FRMD5: variants seen among roughly 807,000 people sequenced by gnomAD.
FRMD5 encodes FERM domain-containing protein 5.
A neutral mutation model predicts 69.0 loss-of-function variants in FRMD5; 20 were observed. The ratio of observed to expected loss-of-function variants is 0.29; its 90% CI spans 0.20 to 0.42. The LOEUF (loss-of-function observed/expected upper bound fraction) is 0.42. FRMD5 is among the 10% of genes least tolerant of loss of function. FRMD5 has a pLI of 1.00. For missense variants in FRMD5, 595 were observed against 708.6 expected, an observed-to-expected ratio of 0.84 and a Z score of 1.82; for synonymous variants, 271 against 260.1, an observed-to-expected ratio of 1.04 and a Z score of -0.40.
At chr15:43,880,875 G>C (rs970354914) in intron 13 of FRMD5, among the ~76,000 whole-genome samples, 3 of 152,214 alleles carry the variant, frequency 2.0e-5, no homozygotes, top group African/African-American at 7.2e-5. Flanking sequence ...GAATAGTTTG[G>C]ACAAGGAACC....
chr15:44,055,477 T>C (rs1356049381), intron 1 of FRMD5, among the ~76,000 whole-genome samples: 1 of 152,214 alleles, frequency 6.6e-6, no homozygotes, highest in African/African-American at 2.4e-5. Context: ...CATTTGCTTG[T>C]TGAAGCCCTG....
chr15:43,944,875 T>G (rs2089918567), intron 1 of FRMD5, among the ~76,000 whole-genome samples: 1 of 152,220 alleles, frequency 6.6e-6, no homozygotes, highest in Non-Finnish European at 1.5e-5. Flanking sequence ...CCTCCTCATT[T>G]TCCAGCTGCT....
chr15:43,988,632 A>G (rs1252765966), intron 1 of FRMD5, among the ~76,000 whole-genome samples: 1 of 152,190 alleles, frequency 6.6e-6, no homozygotes, highest in Non-Finnish European at 1.5e-5. Context: ...ATCATTCAAA[A>G]TAAAACAAAA....
chr15:44,040,941 C>G (rs1400213428), intron 1 of FRMD5, among the ~76,000 whole-genome samples: 2 of 124,982 alleles, frequency 1.6e-5, no homozygotes, highest in Non-Finnish European at 3.2e-5. Flanking sequence ...CAAAGACACA[C>G]GTAGGCTCAA....
intron 1 of FRMD5, among the ~76,000 whole-genome samples, chr15:43,997,430 G>A (rs1353740103): frequency 2.0e-5 from 3 of 152,276 alleles, no homozygotes; most frequent in African/African-American, 7.2e-5. Context: ...CTGCAGTAAG[G>A]TTGCAAAGGA....
At chr15:43,993,679 A>T (rs900117502) in intron 1 of FRMD5, among the ~76,000 whole-genome samples, 2 of 152,168 alleles carry the variant, frequency 1.3e-5, no homozygotes, top group African/African-American at 4.8e-5. Context: ...AAAGTTGGGT[A>T]TCAAAGTCCC....
At chr15:44,025,813 C>T (rs941154062) in intron 1 of FRMD5, among the ~76,000 whole-genome samples, 2 of 152,168 alleles carry the variant, frequency 1.3e-5, no homozygotes, top group Non-Finnish European at 2.9e-5. Context: ...GGTGGCTGCT[C>T]ACTTACCGCC....
At chr15:44,161,166 T>G (rs898909042) in intron 1 of FRMD5, among the ~76,000 whole-genome samples, 1 of 152,194 alleles carries the variant, frequency 6.6e-6, no homozygotes, top group African/African-American at 2.4e-5. Flanking sequence ...TGCCTCCATC[T>G]GTGCTCATGT....
At chr15:43,961,175 A>G (rs907892560) in intron 1 of FRMD5, among the ~76,000 whole-genome samples, 2 of 152,194 alleles carry the variant, frequency 1.3e-5, no homozygotes, top group African/African-American at 4.8e-5. Flanking sequence ...ATAAAGAAGA[A>G]AAGAGAGAAG....
At chr15:43,961,024 C>G (rs1294357421) in intron 1 of FRMD5, among the ~76,000 whole-genome samples, 1 of 152,020 alleles carries the variant, frequency 6.6e-6, no homozygotes, top group Non-Finnish European at 1.5e-5. Flanking sequence ...TATTCAAAAG[C>G]TAGCAGAAGG....
intron 4 of FRMD5, among the ~76,000 whole-genome samples, chr15:43,916,917 T>A (rs1193860660): frequency 6.6e-6 from 1 of 151,838 alleles, no homozygotes; most frequent in African/African-American, 2.4e-5. Flanking sequence ...AAGCAGGGAT[T>A]AAAGGTGTGC....
intron 7 of FRMD5, among the ~76,000 whole-genome samples, chr15:43,897,487 CAAAAAAA>C (rs34243475): frequency 6.8e-4 from 11 of 16,144 alleles, no homozygotes; most frequent in Admixed American, 6.8e-3. Context: ...CACTCCATCT[CAAAAAAA>C]AAAAAAAAAA....
chr15:44,163,034 C>G (rs1249581284), intron 1 of FRMD5, among the ~76,000 whole-genome samples: 1 of 151,884 alleles, frequency 6.6e-6, no homozygotes, highest in Non-Finnish European at 1.5e-5. Flanking sequence ...AATTAGCAGG[C>G]GTGGTGGCGG....
chr15:44,192,027 A>G (rs2078205806), intron 1 of FRMD5, among the ~76,000 whole-genome samples: 1 of 150,898 alleles, frequency 6.6e-6, no homozygotes, highest in Non-Finnish European at 1.5e-5. Flanking sequence ...CAAAACTGGC[A>G]GGGAGCTGTT....
At chr15:43,892,116 G>A (rs745455156) in intron 7 of FRMD5, 47 bp from the exon 8 acceptor site, 8 of 1,534,722 alleles carry the variant, frequency 5.2e-6, no homozygotes, top group East Asian at 2.3e-5. Flanking sequence ...GCACAGAGGT[G>A]AAAGGGTAAG....
intron 1 of FRMD5, among the ~76,000 whole-genome samples, chr15:43,966,112 G>A (rs992134640): frequency 2.0e-5 from 3 of 151,874 alleles, no homozygotes; most frequent in South Asian, 2.1e-4. Flanking sequence ...GGTGACTTAC[G>A]CCTGTCACCC....
chr15:43,963,527 T>C (rs1203059430), intron 1 of FRMD5, among the ~76,000 whole-genome samples: 2 of 152,132 alleles, frequency 1.3e-5, no homozygotes, highest in African/African-American at 2.4e-5. Context: ...GAACTAGAAA[T>C]ACCATTTGAC....
chr15:43,981,338 C>T (rs2090545866), intron 1 of FRMD5, among the ~76,000 whole-genome samples: 1 of 152,054 alleles, frequency 6.6e-6, no homozygotes, highest in African/African-American at 2.4e-5. Flanking sequence ...AAGAAAACCA[C>T]AAGGAAGAGG....
At chr15:44,024,636 T>G (rs1399931416) in intron 1 of FRMD5, among the ~76,000 whole-genome samples, 1 of 152,226 alleles carries the variant, frequency 6.6e-6, no homozygotes, top group Non-Finnish European at 1.5e-5. Context: ...AATTGGGGAA[T>G]TGGTTCATTT....
Sources: allele counts gnomAD v4.1 joint callset (sites outside exome capture counted in the v4.1 genomes callset), GRCh38; gene constraint gnomAD v4.1.1; transcripts MANE v1.5; gene names NCBI Gene and HGNC (gene_info 2026-07-23, HGNC 2026-07-21).